The following PARVB variants were observed in gnomAD, a reference collection of about 807,000 sequenced individuals.
PARVB encodes parvin beta.
A neutral mutation model predicts 47.0 loss-of-function variants in PARVB; 46 were observed. The ratio of observed to expected loss-of-function variants is 0.98; its 90% CI spans 0.77 to 1.25. The LOEUF (loss-of-function observed/expected upper bound fraction) is 1.25, where lower values mean the gene tolerates loss of function less well. Ranked by LOEUF, PARVB falls within the 50% of genes most tolerant of loss-of-function variation. The pLI is 0.00. For synonymous variants in PARVB, 196 were observed against 196.3 expected (o/e 1.00, Z 0.01); for missense variants, 473 against 471.6 (o/e 1.00, Z -0.03).
intron 1 of PARVB, among the ~76,000 whole-genome samples, chr22:44,060,660 G>C (rs989319315): frequency 6.6e-6 from 1 of 152,034 alleles, no homozygotes; most frequent in Non-Finnish European, 1.5e-5. Flanking sequence ...GGGCACAGGC[G>C]AAGGAGAGGT....
At chr22:44,119,273 C>T (rs987167253) in intron 4 of PARVB, 133 bp downstream of exon 4, 2 of 691,668 alleles carry the variant, frequency 2.9e-6, no homozygotes, top group Non-Finnish European at 5.2e-6. Context: ...GTGTGCATCT[C>T]CCAGGTGGTG....
At chr22:44,151,826 G>A in intron 10 of PARVB, 1 of 413,960 alleles carries the variant, frequency 2.4e-6, no homozygotes, top group East Asian at 4.5e-5. Context: ...AATCAAGATG[G>A]GGCCTGGGTG....
At chr22:44,085,078 G>A (rs973006417) in intron 1 of PARVB, among the ~76,000 whole-genome samples, 1 of 152,032 alleles carries the variant, frequency 6.6e-6, no homozygotes, top group Non-Finnish European at 1.5e-5. Context: ...TGTGAATTTT[G>A]ATACGTACAC....
intron 1 of PARVB, chr22:44,086,625 C>T (rs1428926751): frequency 7.6e-6 from 3 of 396,652 alleles, no homozygotes; most frequent in Non-Finnish European, 1.0e-5. Flanking sequence ...TCCCAGCTGC[C>T]GAGGCTGATG....
chr22:44,019,254 C>T (rs549291885), intron 2 of PARVB, among the ~76,000 whole-genome samples: 2 of 145,662 alleles, frequency 1.4e-5, no homozygotes, highest in Non-Finnish European at 3.0e-5. Flanking sequence ...GAGTCTTTCT[C>T]TGTTGCCCAG....
intron 1 of PARVB, among the ~76,000 whole-genome samples, chr22:44,056,946 G>T (rs1486343428): frequency 1.2e-5 from 1 of 85,294 alleles, no homozygotes; most frequent in Non-Finnish European, 2.5e-5. Flanking sequence ...GCTGGGGGTG[G>T]AGCTGGGGGC....
At chr22:44,100,725 C>T (rs781389130) in intron 3 of PARVB, among the ~76,000 whole-genome samples, 52 of 152,184 alleles carry the variant, frequency 3.4e-4, no homozygotes, top group Non-Finnish European at 6.2e-4. Context: ...CTCCTGCTCA[C>T]CGTGAGGCAG....
intron 4 of PARVB, among the ~76,000 whole-genome samples, chr22:44,123,733 G>T (rs1256876055): frequency 3.3e-5 from 5 of 152,124 alleles, no homozygotes; most frequent in Non-Finnish European, 7.4e-5. Flanking sequence ...GCTTTGCCAT[G>T]TTGCCCAGGC....
intron 1 of PARVB, among the ~76,000 whole-genome samples, chr22:44,067,603 C>A (rs1057396543): frequency 1.3e-5 from 2 of 152,216 alleles, no homozygotes; most frequent in Non-Finnish European, 2.9e-5. Flanking sequence ...TGTCTGTGCC[C>A]TCATGATGTC....
intron 1 of PARVB, among the ~76,000 whole-genome samples, chr22:44,035,474 G>T (rs1007837954): frequency 1.3e-5 from 2 of 150,464 alleles, no homozygotes; most frequent in African/African-American, 4.9e-5. Context: ...GGGTTCAAGC[G>T]ATTCTCCTGC....
At chr22:44,127,196 T>G (rs755582780) in intron 4 of PARVB, among the ~76,000 whole-genome samples, 5 of 152,156 alleles carry the variant, frequency 3.3e-5, no homozygotes, top group Non-Finnish European at 7.3e-5. Context: ...CATAAGCACT[T>G]GAGAAGGCAA....
intron 2 of PARVB, among the ~76,000 whole-genome samples, chr22:44,098,683 C>T (rs1411232954): frequency 6.6e-6 from 1 of 152,176 alleles, no homozygotes; most frequent in East Asian, 1.9e-4. Context: ...GTGTCCTTTT[C>T]AGGCATCAGA....
At chr22:44,094,567 G>A (rs1391762938) in intron 2 of PARVB, among the ~76,000 whole-genome samples, 2 of 145,894 alleles carry the variant, frequency 1.4e-5, no homozygotes, top group Non-Finnish European at 3.1e-5. Flanking sequence ...ACAGCTCATG[G>A]CAGCCTTTAC....
chr22:44,086,723 T>G, intron 1 of PARVB: 1 of 984,624 alleles, frequency 1.0e-6, no homozygotes, highest in Non-Finnish European at 1.2e-6. Flanking sequence ...ACTGGACTTA[T>G]TTTTAGAAAA....
In PARVB at chr22:44,169,309, A is replaced by C. The variant is rs1295025758; in HGVS notation, c.*631A>C. 1 of 150,404 alleles carries C rather than the reference A, an allele frequency of 6.6e-6. No homozygotes were observed. Among genetic ancestry groups the C allele is most frequent in the Non-Finnish European group, 1.5e-5 (1 of 68,142 alleles). 9.3% of individuals were successfully genotyped at this position (150,404 alleles called of 1,614,324 possible). ...ACTTCTTGGTCACTCGTTTTAATGT[A>C]GGTTTTGCACAAACATCCAAGACTC... is the stretch of plus-strand genomic sequence containing the variant. On this transcript the variant is annotated 3_prime_UTR_variant, in exon 13 of 13. Transcript: ENST00000338758.
chr22:44,007,321 C>T (rs951413120), intron 2 of PARVB, among the ~76,000 whole-genome samples: 6 of 152,186 alleles, frequency 3.9e-5, no homozygotes, highest in Non-Finnish European at 2.9e-5. Flanking sequence ...CCATCCTTTC[C>T]CGTGCTGCTT....
chr22:44,030,378 A>G (rs2050803925), intron 1 of PARVB, among the ~76,000 whole-genome samples: 1 of 152,022 alleles, frequency 6.6e-6, no homozygotes, highest in Non-Finnish European at 1.5e-5. Flanking sequence ...AGGGAGGGGG[A>G]GGGGGCTCCT....
chr22:44,139,669 T>C (rs973601969), intron 7 of PARVB: 1 of 162,764 alleles, frequency 6.1e-6, no homozygotes, highest in East Asian at 1.7e-4. Context: ...CAGGCTGGTC[T>C]CGAACTCCTG....
At chr22:44,092,478 T>C (rs773182572) in intron 1 of PARVB, among the ~76,000 whole-genome samples, 6 of 152,172 alleles carry the variant, frequency 3.9e-5, no homozygotes, top group South Asian at 2.1e-4. Flanking sequence ...GAGGGTCCGC[T>C]TTTTAAGAAG....
Sources: allele counts gnomAD v4.1 joint callset (sites outside exome capture counted in the v4.1 genomes callset), GRCh38; gene constraint gnomAD v4.1.1; transcripts MANE v1.5; gene names NCBI Gene and HGNC (gene_info 2026-07-23, HGNC 2026-07-21).